SMAD9: variants seen among roughly 807,000 people sequenced by gnomAD.
The protein encoded by SMAD9 is SMAD family member 9, also known as MAD homolog 9.
A neutral mutation model predicts 46.1 loss-of-function variants in SMAD9; 36 were observed. That is an observed-to-expected ratio of 0.78 (90% CI 0.60 to 1.03). SMAD9 has a LOEUF of 1.03. SMAD9 is among the 50% of genes least tolerant of loss of function. SMAD9 has a pLI of 0.00. For missense variants in SMAD9, 572 were observed against 599.8 expected (o/e 0.95, Z 0.48); for synonymous variants, 245 against 237.1 (o/e 1.03, Z -0.31).
chr13:36,854,373 T>C (rs894356856), intron 5 of SMAD9, among the ~76,000 whole-genome samples: 4 of 140,314 alleles, frequency 2.9e-5, no homozygotes, highest in South Asian at 4.4e-4. Flanking sequence ...ACAAATTTTA[T>C]TTTTTTTTTT....
Position 36,879,788 on chromosome 13 carries a change from C to T in SMAD9, c.-99G>A, listed in dbSNP as rs1299542728. On this transcript the variant is annotated 5_prime_UTR_variant, in exon 2 of 7. Coordinates refer to ENST00000379826, the MANE Select transcript of SMAD9 (RefSeq NM_001127217.3). ...CTCCAGGGGTGGCATAGGGACCAAC[C>T]CGCCCGTTCTTCTGGGAGCAGCTGG... 1.3e-5 allele frequency: 18 copies of T among 1,344,158 alleles called. No individual in the cohort carries two copies. Among genetic ancestry groups the T allele is most frequent in the Non-Finnish European group, 1.9e-5 (18 of 952,962 alleles). The allele number at this position is 1,344,158 out of a possible 1,614,324, so 83.3% of individuals were successfully genotyped here. A position where few individuals can be genotyped will look rare whatever the true frequency, so the allele number is the denominator to read the frequency against.
rs2058034481 is a variant in SMAD9, at chr13:36,845,659, G to T, written c.*3017C>A. 1 of 152,060 alleles carries T rather than the reference G, an allele frequency of 6.6e-6. No homozygotes were observed. The highest frequency in any genetic ancestry group is 6.5e-5 in the Admixed American group (1 of 15,268). 9.4% of individuals were successfully genotyped at this position (152,060 alleles called of 1,614,324 possible). A position where few individuals can be genotyped will look rare whatever the true frequency, so the allele number is the denominator to read the frequency against. Reference sequence around the variant, plus strand: ...TTTTTTAATGTCTACATCAAGGAATGAATGCTAAATGAGCCCATTTAGCAG... The same window carrying T: ...TTTTTTAATGTCTACATCAAGGAATTAATGCTAAATGAGCCCATTTAGCAG... On this transcript the variant is annotated 3_prime_UTR_variant, in exon 7 of 7. Coordinates refer to ENST00000379826, the MANE Select transcript of SMAD9 (RefSeq NM_001127217.3).
chr13:36,855,251 CAAAAAAAAAAAA>C (rs1198605048), intron 5 of SMAD9, among the ~76,000 whole-genome samples: 17 of 45,974 alleles, frequency 3.7e-4, no homozygotes, highest in Non-Finnish European at 6.1e-4. Flanking sequence ...GAGTCCATCT[CAAAAAAAAAAAA>C]AAAAAAAAAA....
chr13:36,884,459 T>C (rs2058428528), intron 1 of SMAD9, among the ~76,000 whole-genome samples: 1 of 152,178 alleles, frequency 6.6e-6, no homozygotes, highest in African/African-American at 2.4e-5. Context: ...AGTACTTTTT[T>C]CTTTTTCTGG....
intron 1 of SMAD9, among the ~76,000 whole-genome samples, chr13:36,882,488 T>C (rs145201799): frequency 5.2e-4 from 79 of 152,292 alleles, no homozygotes; most frequent in African/African-American, 1.8e-3. Context: ...CTCGGGTCTC[T>C]GCAGACCGAT....
chr13:36,872,698 T>G lies in SMAD9; in HGVS notation c.630A>C (p.Pro210=). The G allele has an allele frequency of 6.2e-7, 1 of 1,613,888 alleles. No homozygotes were observed. The highest frequency in any genetic ancestry group is 8.5e-7 in the Non-Finnish European group (1 of 1,179,952). The change falls in exon 3 of 7, where the codon CCA becomes CCC. Residue 210 remains proline, a synonymous_variant. Coordinates refer to ENST00000379826, the MANE Select transcript of SMAD9 (RefSeq NM_001127217.3). ...GACTCTCTGGCTCAGAAGGACTTCCTGGGGAGTGAGGGTAGCTGGCCGTGC... is the reference window on the plus strand; with the variant it reads ...GACTCTCTGGCTCAGAAGGACTTCCGGGGGAGTGAGGGTAGCTGGCCGTGC... ...SPCTASYPHS[P]GSPSEPESPY...
At position 36,848,008 on chromosome 13, in the gene SMAD9, C is replaced by CT. The variant is rs1381396148; in HGVS notation, c.*667dup. The CT allele has an allele frequency of 2.6e-5, 4 of 152,194 alleles. No individual in the cohort carries two copies. The highest frequency in any genetic ancestry group is 5.9e-5 in the Non-Finnish European group (4 of 68,082). 9.4% of individuals were successfully genotyped at this position (152,194 alleles called of 1,614,324 possible). A position where few individuals can be genotyped will look rare whatever the true frequency, so the allele number is the denominator to read the frequency against. On this transcript the variant is annotated 3_prime_UTR_variant, in exon 7 of 7. Transcript: ENST00000379826. Reference sequence around the variant, plus strand: ...CATATTTATTTTCCCATATTAGACTCTGTTTTTACAGTGGTAGACTGAGGG... The same window carrying CT: ...CATATTTATTTTCCCATATTAGACTCTTGTTTTTACAGTGGTAGACTGAGGG...
Position 36,879,383 on chromosome 13 carries a change from A to G in SMAD9, c.307T>C (p.Ser103Pro), listed in dbSNP as rs1370504147. Residue 103 changes from serine to proline, a missense_variant, in exon 2 of 7, where the codon TCC becomes CCC. By Grantham distance (74) the Ser-to-Pro change is moderately conservative. Coordinates refer to ENST00000379826, the MANE Select transcript of SMAD9 (RefSeq NM_001127217.3). ...TCCAGCGGCTTCAGCTCGTGGTGGG[A>G]CTGCAGATCCGGCCAGCGCCACACG... The part of the protein sequence containing the change: ...CRVWRWPDLQ[S>P]HHELKPLECC... The G allele has an allele frequency of 6.2e-7, 1 of 1,614,128 alleles. No homozygotes were observed.
In SMAD9 at chr13:36,879,748, G is replaced by T; in HGVS notation, c.-59C>A. 1 of 1,598,954 alleles carries T rather than the reference G, an allele frequency of 6.3e-7. No homozygotes were observed. Among genetic ancestry groups the T allele is most frequent in the South Asian group, 1.1e-5 (1 of 90,598 alleles). On this transcript the variant is annotated 5_prime_UTR_variant, in exon 2 of 7. Coordinates refer to ENST00000379826, the MANE Select transcript of SMAD9 (RefSeq NM_001127217.3). ...ACCGCACAGCCCTTCACGGCAAAGTGGGCGGCGAGTAGCTCTCCAGGGGTG... is the reference window on the plus strand; with the variant it reads ...ACCGCACAGCCCTTCACGGCAAAGTTGGCGGCGAGTAGCTCTCCAGGGGTG...
At chr13:36,911,896 T>C (rs962832339) in intron 1 of SMAD9, among the ~76,000 whole-genome samples, 2 of 152,032 alleles carry the variant, frequency 1.3e-5, no homozygotes, top group African/African-American at 4.8e-5. Flanking sequence ...TTAGTAGAGA[T>C]GGGGTTTCTC....
intron 1 of SMAD9, among the ~76,000 whole-genome samples, chr13:36,901,386 A>G (rs2058574578): frequency 6.6e-6 from 1 of 151,182 alleles, no homozygotes; most frequent in Non-Finnish European, 1.5e-5. Context: ...GTAGATATGT[A>G]GTGATATATC....
intron 1 of SMAD9, among the ~76,000 whole-genome samples, chr13:36,897,632 TTTGA>T (rs1358879160): frequency 4.6e-5 from 7 of 152,322 alleles, no homozygotes; most frequent in Non-Finnish European, 7.4e-5. Flanking sequence ...TAATGCAGAA[TTTGA>T]TAACCTGCTT....
At position 36,846,730 on chromosome 13, in the gene SMAD9, A is replaced by G. The variant is rs1255606380; in HGVS notation, c.*1946T>C. On this transcript the variant is annotated 3_prime_UTR_variant, in exon 7 of 7. Transcript: ENST00000379826. ...AAGAAAAGTAGCATTTATACAAGGA[A>G]TCCATTACCTGACTTTGCAGAAGAG... The G allele has an allele frequency of 6.6e-6, 1 of 152,226 alleles. No individual in the cohort carries two copies. The highest frequency in any genetic ancestry group is 2.4e-5 in the African/African-American group (1 of 41,462). The allele number at this position is 152,226 out of a possible 1,614,324, so 9.4% of individuals were successfully genotyped here. A position where few individuals can be genotyped will look rare whatever the true frequency, so the allele number is the denominator to read the frequency against.
intron 2 of SMAD9, among the ~76,000 whole-genome samples, chr13:36,875,921 A>T (rs1261324242): frequency 6.6e-6 from 1 of 152,232 alleles, no homozygotes; most frequent in Non-Finnish European, 1.5e-5. Context: ...ATCTGGGTAA[A>T]ATCAAAGCCA....
intron 1 of SMAD9, among the ~76,000 whole-genome samples, chr13:36,880,952 T>C (rs2058397897): frequency 6.6e-6 from 1 of 152,190 alleles, no homozygotes; most frequent in South Asian, 2.1e-4. Context: ...AAGCAAGAGT[T>C]CTTTGGAGTT....
chr13:36,874,216 A>C (rs2058323616), intron 2 of SMAD9, among the ~76,000 whole-genome samples: 1 of 152,256 alleles, frequency 6.6e-6, no homozygotes, highest in African/African-American at 2.4e-5. Flanking sequence ...CTACGTCTTC[A>C]TGTTGAAAAG....
intron 1 of SMAD9, among the ~76,000 whole-genome samples, chr13:36,883,980 G>A (rs1292649106): frequency 2.0e-5 from 3 of 152,090 alleles, no homozygotes; most frequent in Non-Finnish European, 4.4e-5. Context: ...GTTTCTGAGC[G>A]ATGGGTCCAG....
chr13:36,852,643 T>A (rs1178675774), intron 6 of SMAD9: 1 of 851,914 alleles, frequency 1.2e-6, no homozygotes, highest in Non-Finnish European at 1.4e-6. Flanking sequence ...CTTAGTTTAT[T>A]ATCTTGTATT....
At chr13:36,910,900 T>C (rs142876677) in intron 1 of SMAD9, among the ~76,000 whole-genome samples, 12 of 152,324 alleles carry the variant, frequency 7.9e-5, no homozygotes, top group South Asian at 2.1e-4. Flanking sequence ...CCAAGCCACA[T>C]TGTGGTCTGT....
Sources: gnomAD v4.1 joint callset for allele counts (sites outside exome capture counted in the v4.1 genomes callset) on GRCh38, gnomAD v4.1.1 for gene constraint, MANE v1.5 for transcripts, NCBI Gene and HGNC (gene_info 2026-07-23, HGNC 2026-07-21) for gene names.